Variants in PNLIPRP3 observed in about 807,000 individuals in gnomAD.
PNLIPRP3 encodes the protein pancreatic lipase-related protein 3.
Under a neutral mutation model 52.8 loss-of-function variants are expected in PNLIPRP3, and 58 were observed. The observed-to-expected ratio is 1.10, with a 90% confidence interval of 0.89 to 1.37. The LOEUF is 1.37. PNLIPRP3 is among the 40% of genes most tolerant of loss of function. The probability of loss-of-function intolerance (pLI) is 0.00; values close to 1 mark genes in which losing one functional copy is unlikely to be tolerated. For synonymous variants in PNLIPRP3, 192 were observed against 185.0 expected (o/e 1.04, Z -0.31); for missense variants, 593 against 561.6 (o/e 1.06, Z -0.57).
chr10:116,473,772 C>T (rs994290974), intron 10 of PNLIPRP3, among the ~76,000 whole-genome samples: 11 of 152,022 alleles, frequency 7.2e-5, no homozygotes, highest in Admixed American at 1.3e-4. Context: ...CCACCCACTT[C>T]GGCCTCCCAA....
intron 5 of PNLIPRP3, among the ~76,000 whole-genome samples, chr10:116,459,730 C>A (rs912465278): frequency 6.6e-6 from 1 of 152,158 alleles, no homozygotes; most frequent in African/African-American, 2.4e-5. Context: ...TTTGCCCTGG[C>A]CAATTCTTCT....
intron 5 of PNLIPRP3, among the ~76,000 whole-genome samples, chr10:116,456,824 T>A (rs970959462): frequency 6.6e-6 from 1 of 152,182 alleles, no homozygotes; most frequent in Admixed American, 6.5e-5. Flanking sequence ...TTCATCTGCC[T>A]TTTCCCTGTC....
chr10:116,446,369 AAAAT>A lies in PNLIPRP3; in HGVS notation c.456+1858_456+1861del, dbSNP rs1412380253. ...TCAAAAAAAAAAAAAAAAAAAAAAAAAAATAGTGGCAACAGTAGAGGAAGGGATG... is the reference window on the plus strand; with the variant it reads ...TCAAAAAAAAAAAAAAAAAAAAAAAAAGTGGCAACAGTAGAGGAAGGGATG... On this transcript the variant is annotated intron_variant, in intron 4 of 11. Coordinates refer to ENST00000369230, the MANE Select transcript of PNLIPRP3 (RefSeq NM_001011709.3). 7.6e-3 allele frequency among the ~76,000 whole-genome samples: 1,147 copies of A among 150,036 alleles called. 6 individuals are homozygous for A. The highest frequency in any genetic ancestry group is 0.013 in the Non-Finnish European group (858 of 67,038).
intron 4 of PNLIPRP3, among the ~76,000 whole-genome samples, chr10:116,452,156 G>A (rs1003618555): frequency 6.6e-6 from 1 of 152,134 alleles, no homozygotes; most frequent in Non-Finnish European, 1.5e-5. Flanking sequence ...CCACACCCTG[G>A]GGATCTGTGG....
chr10:116,467,869 T>C (rs1172153813), intron 8 of PNLIPRP3, among the ~76,000 whole-genome samples: 2 of 152,020 alleles, frequency 1.3e-5, no homozygotes, highest in African/African-American at 4.8e-5. Context: ...CTCACGCTTG[T>C]AATCCCAGCA....
At chr10:116,456,768 C>T (rs7914757) in intron 5 of PNLIPRP3, among the ~76,000 whole-genome samples, 18,688 of 152,164 alleles carry the variant, frequency 0.12, 1,950 homozygotes, top group East Asian at 0.38. Context: ...TGGCCTCTCC[C>T]TCTGCATCCC....
At chr10:116,452,708 G>A (rs1846056347) in intron 4 of PNLIPRP3, among the ~76,000 whole-genome samples, 1 of 152,238 alleles carries the variant, frequency 6.6e-6, no homozygotes, top group South Asian at 2.1e-4. Context: ...TGCAAGCCAT[G>A]AGCCTTGGCA....
At chr10:116,448,080 A>T (rs983793752) in intron 4 of PNLIPRP3, among the ~76,000 whole-genome samples, 1 of 152,092 alleles carries the variant, frequency 6.6e-6, no homozygotes, top group African/African-American at 2.4e-5. Context: ...AGAAAGAGGG[A>T]AAGTATGTGG....
chr10:116,470,820 T>C (rs1412226322), intron 9 of PNLIPRP3, among the ~76,000 whole-genome samples: 1 of 152,246 alleles, frequency 6.6e-6, no homozygotes, highest in African/African-American at 2.4e-5. Context: ...CACCAAATAT[T>C]TTTATGACTT....
At chr10:116,429,069 A>T (rs1845674513) in intron 1 of PNLIPRP3, among the ~76,000 whole-genome samples, 1 of 152,152 alleles carries the variant, frequency 6.6e-6, no homozygotes, top group Non-Finnish European at 1.5e-5. Context: ...CAAGTTGACC[A>T]TCTCGAATCC....
intron 2 of PNLIPRP3, among the ~76,000 whole-genome samples, chr10:116,440,427 C>T (rs1004079286): frequency 6.6e-6 from 1 of 152,154 alleles, no homozygotes; most frequent in Non-Finnish European, 1.5e-5. Flanking sequence ...TGTAATTAAA[C>T]CAGATATGTA....
Position 116,444,717 on chromosome 10 carries a change from G to A in PNLIPRP3, c.456+204G>A, listed in dbSNP as rs560181488. 4.6e-5 allele frequency among the ~76,000 whole-genome samples: 7 copies of A among 152,258 alleles called. No individual in the cohort carries two copies. In the South Asian group the frequency reaches 1.5e-3, roughly 32 times the overall value. On this transcript the variant is annotated intron_variant, in intron 4 of 11. Transcript: ENST00000369230. ...TGGTTATTTGAAGCACCACTAGGTG[G>A]CAGTGTGTCTACACAGGCTCATCAC...
chr10:116,467,015 G>A (rs535255187), intron 8 of PNLIPRP3, among the ~76,000 whole-genome samples: 23 of 152,132 alleles, frequency 1.5e-4, no homozygotes, highest in South Asian at 4.2e-4. Flanking sequence ...TTCCTGCCTC[G>A]GCTGCTACTC....
chr10:116,476,027 G>C (rs868342193), intron 10 of PNLIPRP3, among the ~76,000 whole-genome samples: 1 of 152,158 alleles, frequency 6.6e-6, no homozygotes, highest in Non-Finnish European at 1.5e-5. Flanking sequence ...TCACAGTGGA[G>C]AATTTTTGCA....
intron 5 of PNLIPRP3, among the ~76,000 whole-genome samples, chr10:116,459,133 A>C (rs1589985733): frequency 1.4e-5 from 2 of 145,984 alleles, no homozygotes; most frequent in African/African-American, 2.5e-5. Flanking sequence ...TGTTTTTTTG[A>C]CTCCCTCTCT....
At chr10:116,429,229 C>A (rs1845676815) in intron 1 of PNLIPRP3, among the ~76,000 whole-genome samples, 1 of 152,162 alleles carries the variant, frequency 6.6e-6, no homozygotes, top group Non-Finnish European at 1.5e-5. Context: ...TACCTTTAGC[C>A]TATGTGTATA....
At chr10:116,432,158 A>T (rs1277116625) in intron 1 of PNLIPRP3, among the ~76,000 whole-genome samples, 1 of 152,230 alleles carries the variant, frequency 6.6e-6, no homozygotes. Context: ...GCTGAATTCC[A>T]GTGCTAATAG....
rs79719631 is a variant in PNLIPRP3 at position 116,456,023 on chromosome 10, G to A, written c.565+193G>A. ...TCGCTTCAAGGGGGTTCATTGCAGC[G>A]TTGTCTGTGGTGACAAAGTAAGAGA... On this transcript the variant is annotated intron_variant, in intron 5 of 11. Coordinates refer to ENST00000369230, the MANE Select transcript of PNLIPRP3 (RefSeq NM_001011709.3). 9.6e-3 allele frequency among the ~76,000 whole-genome samples: 1,467 copies of A among 152,334 alleles called. 26 individuals are homozygous for A. The highest frequency in any genetic ancestry group is 0.034 in the African/African-American group (1,396 of 41,564).
chr10:116,476,012 C>G (rs1360127548), intron 10 of PNLIPRP3, among the ~76,000 whole-genome samples: 4 of 152,260 alleles, frequency 2.6e-5, no homozygotes, highest in Non-Finnish European at 4.4e-5. Flanking sequence ...CACGACCAAT[C>G]TGGGTCACAG....
Sources: allele counts gnomAD v4.1 joint callset (sites outside exome capture counted in the v4.1 genomes callset), GRCh38; gene constraint gnomAD v4.1.1; transcripts MANE v1.5; gene names NCBI Gene and HGNC (gene_info 2026-07-23, HGNC 2026-07-21).